HIP1: variants seen among roughly 807,000 people sequenced by gnomAD.
The protein encoded by HIP1 is huntingtin-interacting protein 1.
In HIP1, 65 loss-of-function variants were observed where a neutral mutation model predicts 147.6. That is an observed-to-expected ratio of 0.44 (90% CI 0.36 to 0.54). The LOEUF (loss-of-function observed/expected upper bound fraction) is 0.54. HIP1 is among the 20% of genes least tolerant of loss of function. The pLI, the probability that HIP1 is intolerant of heterozygous loss-of-function variation, is 0.00. For synonymous variants in HIP1, 479 were observed against 504.0 expected, an observed-to-expected ratio of 0.95 and a Z score of 0.67; for missense variants, 1,061 against 1,299.6, an observed-to-expected ratio of 0.82 and a Z score of 2.82.
intron 1 of HIP1, among the ~76,000 whole-genome samples, chr7:75,696,789 AG>A (rs1364340637): frequency 6.6e-6 from 1 of 150,868 alleles, no homozygotes; most frequent in African/African-American, 2.4e-5. Context: ...TAGTAGAGAT[AG>A]GGTTTCACCA....
chr7:75,559,713 G>GCCCCCCCC lies in HIP1; in HGVS notation c.1375+18_1375+19insGGGGGGGG. 1 of 259,574 alleles carries GCCCCCCCC rather than the reference G, an allele frequency of 3.9e-6. No individual in the cohort carries two copies. The highest frequency in any genetic ancestry group is 4.0e-5 in the South Asian group (1 of 25,054). 16.1% of individuals were successfully genotyped at this position (259,574 alleles called of 1,614,324 possible). ...GCGCCTGCCCCCGGGGCCCGCCCCC[G>GCCCCCCCC]CCCCCACCCACCGCTCACTTTCTAT... is the stretch of plus-strand genomic sequence containing the variant. On this transcript the variant is annotated intron_variant, in intron 14 of 30. Transcript: ENST00000336926.
chr7:75,663,936 A>ATATATATATACACATATTTGTG lies in HIP1; in HGVS notation c.121-64690_121-64689insCACAAATATGTGTATATATATA, dbSNP rs1563277842. On this transcript the variant is annotated intron_variant, in intron 1 of 30. Transcript: ENST00000336926. Reference sequence around the variant, plus strand: ...CTTCCATTATTTTATGTATGTGTGTATATATATATATACACATATATGTGT... The same window carrying ATATATATATACACATATTTGTG: ...CTTCCATTATTTTATGTATGTGTGTATATATATATACACATATTTGTGTATATATATATACACATATATGTGT... Among the ~76,000 whole-genome samples, 2 of 25,162 alleles carry ATATATATATACACATATTTGTG rather than the reference A, an allele frequency of 7.9e-5. 1 individual carries two copies. Among genetic ancestry groups the ATATATATATACACATATTTGTG allele is most frequent in the Admixed American group, 1.1e-3 (2 of 1,882 alleles). The allele number at this position is 25,162 out of a possible 152,430, so 16.5% of individuals were successfully genotyped here.
chr7:75,584,721 C>T (rs1021910392), intron 5 of HIP1, among the ~76,000 whole-genome samples: 7 of 152,158 alleles, frequency 4.6e-5, no homozygotes, highest in African/African-American at 9.6e-5. Context: ...CCCACTGCCC[C>T]AGCTCCCATC....
At chr7:75,587,656 G>T (rs1328970709) in intron 4 of HIP1, among the ~76,000 whole-genome samples, 2 of 152,120 alleles carry the variant, frequency 1.3e-5, no homozygotes, top group African/African-American at 4.8e-5. Context: ...TCTGGACAAA[G>T]CTTCCTACTT....
At chr7:75,571,283 TGGAAACAATGAAAAGTTTCCAGG>T (rs1391010906) in intron 8 of HIP1, among the ~76,000 whole-genome samples, 21 of 152,180 alleles carry the variant, frequency 1.4e-4, no homozygotes, top group African/African-American at 4.1e-4. Context: ...ACAGAATACT[TGGAAACAATGAAAAGTTTCCAGG>T]GGAAACAATG....
intron 29 of HIP1, among the ~76,000 whole-genome samples, chr7:75,540,610 C>G (rs782432807): frequency 4.2e-4 from 63 of 150,926 alleles, no homozygotes; most frequent in Non-Finnish European, 2.1e-4. Flanking sequence ...GGCCCTGACT[C>G]AAAAAAAGAA....
intron 2 of HIP1, among the ~76,000 whole-genome samples, chr7:75,598,277 A>G (rs1796828272): frequency 1.3e-5 from 2 of 152,154 alleles, no homozygotes; most frequent in Admixed American, 6.5e-5. Context: ...CACGCCTGTC[A>G]TCCCAGCTAC....
intron 1 of HIP1, among the ~76,000 whole-genome samples, chr7:75,646,874 G>A (rs539531112): frequency 6.6e-5 from 10 of 152,278 alleles, no homozygotes; most frequent in Admixed American, 4.6e-4. Context: ...GAAAGGTCAA[G>A]TGCTCTGCAA....
intron 1 of HIP1, among the ~76,000 whole-genome samples, chr7:75,690,819 G>A (rs1554518065): frequency 6.6e-6 from 1 of 151,888 alleles, no homozygotes; most frequent in Non-Finnish European, 1.5e-5. Context: ...CCGAGATCGC[G>A]CCATTTGCAC....
intron 22 of HIP1, among the ~76,000 whole-genome samples, chr7:75,553,197 CA>C (rs1554492444): frequency 6.6e-6 from 1 of 152,076 alleles, no homozygotes; most frequent in African/African-American, 2.4e-5. Context: ...CTCAGCCTCC[CA>C]AAGTGCTGGG....
At chr7:75,593,449 G>T (rs912623147) in intron 2 of HIP1, among the ~76,000 whole-genome samples, 1 of 151,890 alleles carries the variant, frequency 6.6e-6, no homozygotes, top group Admixed American at 6.6e-5. Flanking sequence ...TGACCAACAC[G>T]GCGAAACTCC....
chr7:75,669,939 T>C (rs1799684096), intron 1 of HIP1, among the ~76,000 whole-genome samples: 1 of 152,054 alleles, frequency 6.6e-6, no homozygotes, highest in Non-Finnish European at 1.5e-5. Flanking sequence ...TAGCTAGGAC[T>C]ACAGGTGCTC....
chr7:75,625,919 C>G (rs1554507942), intron 1 of HIP1: 1 of 151,986 alleles, frequency 6.6e-6, no homozygotes, highest in African/African-American at 2.4e-5. Context: ...AAAAAAGAGG[C>G]TTTGGAGAGC....
chr7:75,541,534 A>AC (rs1794315458), intron 29 of HIP1, among the ~76,000 whole-genome samples: 1 of 151,640 alleles, frequency 6.6e-6, no homozygotes, highest in Non-Finnish European at 1.5e-5. Context: ...CCGTCTCAAA[A>AC]AAAAAAAAAA....
intron 1 of HIP1, among the ~76,000 whole-genome samples, chr7:75,725,655 G>A (rs1252536378): frequency 6.6e-6 from 1 of 152,106 alleles, no homozygotes; most frequent in Non-Finnish European, 1.5e-5. Context: ...CCGTGTTGTT[G>A]AATGTAACTA....
intron 1 of HIP1, among the ~76,000 whole-genome samples, chr7:75,710,567 C>T (rs540711744): frequency 6.6e-6 from 1 of 152,156 alleles, no homozygotes; most frequent in Non-Finnish European, 1.5e-5. Context: ...TTTGGAAAAG[C>T]TTGAGAAGAA....
In HIP1 at chr7:75,728,259, C is replaced by G. The variant is rs375902246; in HGVS notation, c.120+10542G>C. Among the ~76,000 whole-genome samples the G allele has an allele frequency of 5.3e-5, 8 of 152,244 alleles. No homozygotes were observed. In the East Asian group the frequency reaches 7.7e-4, roughly 15 times the overall value. On this transcript the variant is annotated intron_variant, in intron 1 of 30. Coordinates refer to ENST00000336926, the MANE Select transcript of HIP1 (RefSeq NM_005338.7). ...CTGATCCAAGAAAAGATGCCATTCT[C>G]TCTTCCTCTGAGCCAGCAGACACCT...
chr7:75,737,807 A>G (rs1802074485), intron 1 of HIP1, among the ~76,000 whole-genome samples: 1 of 152,220 alleles, frequency 6.6e-6, no homozygotes, highest in Admixed American at 6.5e-5. Context: ...GGGGGACCCA[A>G]ATGGATCTTC....
chr7:75,599,041 T>C (rs1796870891), intron 2 of HIP1, 143 bp downstream of exon 2: 1 of 643,794 alleles, frequency 1.6e-6, no homozygotes. Flanking sequence ...TCTGAGAAGC[T>C]GCCGTCATCA....
Sources: allele counts gnomAD v4.1 joint callset (sites outside exome capture counted in the v4.1 genomes callset), GRCh38; gene constraint gnomAD v4.1.1; transcripts MANE v1.5; gene names NCBI Gene and HGNC (gene_info 2026-07-23, HGNC 2026-07-21).